The following F8 variants were observed in gnomAD, a reference collection of about 807,000 sequenced individuals.
F8 encodes coagulation factor VIII.
In F8, 12 loss-of-function variants were observed where a neutral mutation model predicts 140.6. The observed-to-expected ratio is 0.09, with a 90% CI of 0.05 to 0.14. F8 has a LOEUF of 0.14. Among genes scored for constraint, F8 ranks in the 10% least tolerant of loss-of-function variants. F8 has a pLI of 1.00. For missense variants in F8, 1,354 were observed against 1,720.7 expected (o/e 0.79, Z 3.77); for synonymous variants, 585 against 614.6 (o/e 0.95, Z 0.71).
chrX:154,982,667 A>G (rs2073535694), intron 6 of F8, among the ~76,000 whole-genome samples: 1 of 110,688 alleles, frequency 9.0e-6, no homozygotes, highest in African/African-American at 3.3e-5. Context: ...TTAAATCGCA[A>G]CTGCATAAAA....
At chrX:154,997,221 T>C in intron 2 of F8, 126 bp from the exon 3 acceptor site, 1 of 838,456 alleles carries the variant, frequency 1.2e-6, no homozygotes, top group Non-Finnish European at 1.8e-6. Context: ...CAAAAAGTAG[T>C]ATTTGCTTGC....
intron 6 of F8, among the ~76,000 whole-genome samples, chrX:154,976,354 C>A (rs782293169): frequency 9.0e-6 from 1 of 111,493 alleles, no homozygotes; most frequent in African/African-American, 3.3e-5. Flanking sequence ...TTCTCTTAGG[C>A]AGTATGTAGT....
At chrX:154,923,728 T>C (rs1189259062) in intron 14 of F8, among the ~76,000 whole-genome samples, 1 of 111,690 alleles carries the variant, frequency 9.0e-6, no homozygotes, top group Non-Finnish European at 1.9e-5. Context: ...TTTGGGGGAC[T>C]GTTGGGAAGG....
intron 14 of F8, among the ~76,000 whole-genome samples, chrX:154,928,165 A>G (rs2073170310): frequency 9.0e-6 from 1 of 111,633 alleles, no homozygotes; most frequent in South Asian, 3.7e-4. Flanking sequence ...ATTTCTCTGT[A>G]CTACTTGACT....
Position 155,022,630 on chromosome X carries a change from G to C in F8, c.-78C>G. On this transcript the variant is annotated 5_prime_UTR_variant, in exon 1 of 26. Transcript: ENST00000360256. ...AAAATATCTTTAGCTCCCAGGAGGG[G>C]AAAAAAGTAAAATTTCTGATTTAAT... The C allele has an allele frequency of 8.3e-7, 1 of 1,201,323 alleles. No individual in the cohort carries two copies. The highest frequency in any genetic ancestry group is 1.1e-6 in the Non-Finnish European group (1 of 891,863).
chrX:154,943,948 G>C (rs782502503), intron 13 of F8, among the ~76,000 whole-genome samples: 52 of 111,696 alleles, frequency 4.7e-4, no homozygotes, highest in African/African-American at 1.5e-3. Context: ...AATGGTGCTG[G>C]GAAAACTGGC....
At chrX:154,998,250 A>G (rs1263637135) in intron 2 of F8, among the ~76,000 whole-genome samples, 1 of 112,740 alleles carries the variant, frequency 8.9e-6, no homozygotes, top group African/African-American at 3.2e-5. Flanking sequence ...CTCCAGCTAC[A>G]TTCTGACAGC....
chrX:155,003,255 AAGAC>A lies in F8; in HGVS notation c.144-3659_144-3656del, dbSNP rs782156184. 2.3e-3 allele frequency among the ~76,000 whole-genome samples: 253 copies of A among 111,930 alleles called. 1 individual carries two copies. The highest frequency in any genetic ancestry group is 4.6e-3 in the Middle Eastern group (1 of 218). Reference sequence around the variant, plus strand: ...TCATAAGGAAAAATATGGAAATTCTAAGACAGAATAAAAAAGAAATGCTAGAGAT... The same window carrying A: ...TCATAAGGAAAAATATGGAAATTCTAAGAATAAAAAAGAAATGCTAGAGAT... On this transcript the variant is annotated intron_variant, in intron 1 of 25. Transcript: ENST00000360256.
At position 154,947,795 on chromosome X, in the gene F8, G is replaced by A; in HGVS notation, c.2016C>T (p.Phe672=). ...GAQTDFLSVF[F]SGYTFKHKMV... ...TTTTGTGTTTGAAGGTATATCCAGA[G>A]AAGAAGACAGAAAGGAAGTCAGTCT... The change falls in exon 13 of 26, where the codon TTC becomes TTT. Residue 672 remains phenylalanine (F), a synonymous_variant. Transcript: ENST00000360256. 1 of 1,208,693 alleles carries A rather than the reference G, an allele frequency of 8.3e-7. No homozygotes were observed. The highest frequency in any genetic ancestry group is 2.3e-4 in the Middle Eastern group (1 of 4,346).
intron 21 of F8, among the ~76,000 whole-genome samples, chrX:154,899,662 G>A (rs28370241): frequency 0.022 from 2,435 of 111,583 alleles, 39 homozygotes; most frequent in Non-Finnish European, 0.033. Flanking sequence ...CCAGTAGAAG[G>A]ACTAAAATAC....
At chrX:154,869,722 CA>C (rs1171641406) in intron 22 of F8, among the ~76,000 whole-genome samples, 1 of 110,842 alleles carries the variant, frequency 9.0e-6, no homozygotes, top group Non-Finnish European at 1.9e-5. Context: ...GATAGAGACA[CA>C]AAAAAACCTT....
Position 154,992,870 on chromosome X carries a change from A to G in F8, c.601+66T>C, listed in dbSNP as rs34812987. On this transcript the variant is annotated intron_variant, in intron 4 of 25. Transcript: ENST00000360256. ...AAGGAACACAAATGCTAACTGTTAT[A>G]GATAGATTCAGTTGTTTGTACTTCT... The G allele has an allele frequency of 1.8e-3, 1,848 of 1,010,340 alleles. 16 individuals carry two copies. In the African/African-American group the frequency reaches 0.025, roughly 14 times the overall value. 83.3% of individuals were successfully genotyped at this position (1,010,340 alleles called of 1,213,427 possible).
intron 13 of F8, among the ~76,000 whole-genome samples, chrX:154,940,992 A>C (rs4898355): frequency 0.012 from 1,358 of 111,755 alleles, 24 homozygotes; most frequent in African/African-American, 0.041. Context: ...ACCAGGCCTG[A>C]CCTAAGAGAG....
chrX:154,910,161 G>A (rs2073057826), intron 14 of F8, among the ~76,000 whole-genome samples: 1 of 111,510 alleles, frequency 9.0e-6, no homozygotes. Flanking sequence ...AAGGTTTAAT[G>A]GATTTAGGGC....
At chrX:154,977,750 T>C (rs1414307859) in intron 6 of F8, among the ~76,000 whole-genome samples, 2 of 110,277 alleles carry the variant, frequency 1.8e-5, no homozygotes, top group African/African-American at 3.3e-5. Context: ...CCTTTTTGCA[T>C]TGTATTTATT....
chrX:154,926,387 T>A (rs1473193553), intron 14 of F8, among the ~76,000 whole-genome samples: 1 of 111,879 alleles, frequency 8.9e-6, no homozygotes, highest in East Asian at 2.8e-4. Context: ...TACTTATTTA[T>A]TTTTTTGAGA....
At chrX:154,944,344 C>A (rs2073289732) in intron 13 of F8, among the ~76,000 whole-genome samples, 1 of 110,090 alleles carries the variant, frequency 9.1e-6, no homozygotes, top group Non-Finnish European at 1.9e-5. Context: ...ACAACCCCAT[C>A]AAAAAGTGGG....
In F8 at chrX:154,929,684, C is replaced by T. The variant is rs367892017; in HGVS notation, c.4106G>A (p.Ser1369Asn). The T allele has an allele frequency of 2.5e-6, 3 of 1,208,781 alleles. No homozygotes were observed. The highest frequency in any genetic ancestry group is 1.7e-5 in the African/African-American group (1 of 57,554). The change falls in exon 14 of 26, where the codon AGC becomes AAC. Residue 1369 changes from serine (S) to asparagine (N), a missense_variant. This residue lies in a region of F8 where 658 missense variants were observed against 666.5 expected (regional missense o/e 0.99). Transcript: ENST00000360256. Reference sequence around the variant, plus strand: ...ATTGTAGTCTATCTGTGTGAGGGTGCTCGGGGTCAAATGTTTCATGTTTTT... The same window carrying T: ...ATTGTAGTCTATCTGTGTGAGGGTGTTCGGGGTCAAATGTTTCATGTTTTT... ...WSKNMKHLTP[S>N]TLTQIDYNEK... is the part of the protein sequence containing the mutation.
intron 6 of F8, among the ~76,000 whole-genome samples, chrX:154,972,409 T>G (rs2073461117): frequency 8.9e-6 from 1 of 111,821 alleles, no homozygotes; most frequent in Admixed American, 9.5e-5. Flanking sequence ...TCCTTATATA[T>G]TCTAGATATC....
Sources: allele counts gnomAD v4.1 joint callset (sites outside exome capture counted in the v4.1 genomes callset), GRCh38; gene constraint gnomAD v4.1.1; regional missense constraint gnomAD v4.1.1; transcripts MANE v1.5; gene names NCBI Gene and HGNC (gene_info 2026-07-23, HGNC 2026-07-21).